The following PTRH2 variants were observed in gnomAD, a reference collection of about 807,000 sequenced individuals.
PTRH2 encodes peptidyl-tRNA hydrolase 2, mitochondrial.
Under a neutral mutation model 12.3 loss-of-function variants are expected in PTRH2, and 10 were observed. The observed-to-expected ratio is 0.81, with a 90% CI of 0.50 to 1.38. The LOEUF (loss-of-function observed/expected upper bound fraction) is 1.38. PTRH2 is among the 40% of genes most tolerant of loss of function. The pLI, the probability that PTRH2 is intolerant of heterozygous loss-of-function variation, is 0.00. For synonymous variants in PTRH2, 73 were observed against 77.4 expected (o/e 0.94, Z 0.30); for missense variants, 176 against 214.1 (o/e 0.82, Z 1.11).
chr17:59,706,158 A>C (rs1476315801), intron 1 of PTRH2, among the ~76,000 whole-genome samples: 1 of 152,230 alleles, frequency 6.6e-6, no homozygotes, highest in Non-Finnish European at 1.5e-5. Context: ...CAATAAGCCT[A>C]GTGCCTAAGA....
At chr17:59,702,608 T>G (rs1005354620) in intron 1 of PTRH2, among the ~76,000 whole-genome samples, 3 of 152,206 alleles carry the variant, frequency 2.0e-5, no homozygotes, top group Non-Finnish European at 2.9e-5. Flanking sequence ...TACAGGGAGA[T>G]CATTTCAGAG....
intron 1 of PTRH2, chr17:59,698,777 C>A (rs1432643371): frequency 4.5e-6 from 3 of 669,938 alleles, no homozygotes; most frequent in South Asian, 1.6e-5. Context: ...GGACAAAAAT[C>A]ATCTAACACG....
intron 1 of PTRH2, chr17:59,701,462 A>G (rs2033552326): frequency 6.6e-6 from 1 of 152,196 alleles, no homozygotes; most frequent in Admixed American, 6.5e-5. Flanking sequence ...AGCTATAGGA[A>G]TGGGTATCTG....
chr17:59,698,278 C>G (rs2033486346), intron 1 of PTRH2: 3 of 375,430 alleles, frequency 8.0e-6, no homozygotes, highest in Non-Finnish European at 1.4e-5. Flanking sequence ...TGGAGATGTT[C>G]CGTTTTACCA....
Position 59,697,726 on chromosome 17 carries a change from G to A in PTRH2, c.253C>T (p.Gln85Ter), listed in dbSNP as rs762093483. 1.9e-6 allele frequency: 3 copies of A among 1,614,130 alleles called. No individual in the cohort carries two copies. The highest frequency in any genetic ancestry group is 2.5e-6 in the Non-Finnish European group (3 of 1,180,024). The change falls in exon 2 of 2, where the codon CAG (glutamine) becomes TAG (stop). Residue 85 changes from glutamine (Q) to a stop codon, truncating the protein, a stop_gained. Coordinates refer to ENST00000393038, the MANE Select transcript of PTRH2 (RefSeq NM_016077.5). LOFTEE classifies it high-confidence loss of function. Reference protein sequence around the residue: ...LKMGKGKVAAQCSHAAVSAYK... With the variant: ...LKMGKGKVAA ...GCTGAAACAGCAGCATGAGAGCACT[G>A]GGCAGCCACTTTCCCTTTTCCCATC...
At chr17:59,698,119 C>T (rs887550384) in intron 1 of PTRH2, 141 bp from the exon 2 acceptor site, 2 of 821,510 alleles carry the variant, frequency 2.4e-6, no homozygotes. Flanking sequence ...TATGCCTGCA[C>T]CCTGTTTCCA....
At chr17:59,702,315 G>A in intron 1 of PTRH2, among the ~76,000 whole-genome samples, 1 of 152,166 alleles carries the variant, frequency 6.6e-6, no homozygotes, top group East Asian at 1.9e-4. Context: ...ATGGGAGGCA[G>A]TAACAGATCA....
rs1268684924 is a variant in PTRH2, at chr17:59,697,655, C to T, written c.324G>A (p.Trp108Ter). 1 of 1,614,148 alleles carries T rather than the reference C, an allele frequency of 6.2e-7. No individual in the cohort carries two copies. The highest frequency in any genetic ancestry group is 8.5e-7 in the Non-Finnish European group (1 of 1,180,032). The change falls in exon 2 of 2, where the codon TGG becomes TGA. Residue 108 changes from tryptophan (W) to a stop codon, truncating the protein, a stop_gained. Transcript: ENST00000393038. LOFTEE classifies it high-confidence loss of function. ...CCACCTTGGGCTGGCCACAGTATTC[C>T]CATTGTTTGAGCATTTCAGGATTTC... is the stretch of plus-strand genomic sequence containing the variant. ...QRRNPEMLKQ[W>*]EYCGQPKVVV...
Position 59,697,825 on chromosome 17 carries a change from T to G in PTRH2, c.154A>C (p.Thr52Pro). ...KSKTSKTHTD[T>P]ESEASILGDS... ...CCCAAGATGCTTGCTTCACTTTCAGTATCTGTGTGTGTCTTGCTCGTCTTG... is the reference window on the plus strand; with the variant it reads ...CCCAAGATGCTTGCTTCACTTTCAGGATCTGTGTGTGTCTTGCTCGTCTTG... The change falls in exon 2 of 2, where the codon ACT (threonine) becomes CCT (proline). Residue 52 changes from threonine (T) to proline (P), a missense_variant. Thr to Pro is a conservative substitution (Grantham distance 38, BLOSUM62 -1). Transcript: ENST00000393038. The G allele has an allele frequency of 6.2e-7, 1 of 1,614,212 alleles. No individual in the cohort carries two copies. Among genetic ancestry groups the G allele is most frequent in the Non-Finnish European group, 8.5e-7 (1 of 1,180,028 alleles).
chr17:59,703,427 G>A (rs893577751), intron 1 of PTRH2, among the ~76,000 whole-genome samples: 3 of 152,150 alleles, frequency 2.0e-5, no homozygotes, highest in Non-Finnish European at 4.4e-5. Flanking sequence ...TTTTTCGGAT[G>A]TAGAAAAATG....
chr17:59,698,976 C>A, intron 1 of PTRH2: 1 of 695,910 alleles, frequency 1.4e-6, no homozygotes, highest in South Asian at 1.6e-5. Flanking sequence ...CTCAATTTCT[C>A]TCTCTTCTGA....
chr17:59,702,299 G>A (rs1046555960), intron 1 of PTRH2, among the ~76,000 whole-genome samples: 5 of 152,106 alleles, frequency 3.3e-5, no homozygotes, highest in Non-Finnish European at 7.4e-5. Flanking sequence ...TCCCATCGGG[G>A]GTGAGATGGG....
chr17:59,699,295 C>T, intron 1 of PTRH2: 1 of 176,106 alleles, frequency 5.7e-6, no homozygotes, highest in East Asian at 1.6e-4. Flanking sequence ...TCCACTGCCT[C>T]AACGCCTTTA....
At chr17:59,700,300 A>G (rs1223289853) in intron 1 of PTRH2, 2 of 152,242 alleles carry the variant, frequency 1.3e-5, no homozygotes, top group East Asian at 3.8e-4. Flanking sequence ...ATCAGTCTAC[A>G]AATGAGGCTG....
chr17:59,705,695 T>C (rs2033631502), intron 1 of PTRH2, among the ~76,000 whole-genome samples: 1 of 152,146 alleles, frequency 6.6e-6, no homozygotes, highest in Non-Finnish European at 1.5e-5. Context: ...CAGCAGCATC[T>C]CGAGTCCAGT....
At chr17:59,705,007 C>T (rs146943526) in intron 1 of PTRH2, among the ~76,000 whole-genome samples, 4,716 of 152,112 alleles carry the variant, frequency 0.031, 111 homozygotes, top group Non-Finnish European at 0.045. Context: ...AGGCTGGTCT[C>T]GAACTCCTGA....
chr17:59,706,366 G>A (rs1205746597), intron 1 of PTRH2, among the ~76,000 whole-genome samples: 3 of 152,104 alleles, frequency 2.0e-5, no homozygotes, highest in South Asian at 4.2e-4. Flanking sequence ...TTTTTTAAGA[G>A]ACAGGGTCTC....
chr17:59,698,595 A>G, intron 1 of PTRH2: 1 of 341,572 alleles, frequency 2.9e-6, no homozygotes, highest in East Asian at 4.9e-5. Context: ...TATTTTTTGC[A>G]TAGTTTTACT....
intron 1 of PTRH2, chr17:59,698,609 T>C (rs1191936277): frequency 4.4e-6 from 2 of 455,502 alleles, no homozygotes; most frequent in Non-Finnish European, 3.9e-6. Context: ...TTTTACTATG[T>C]ACAGGTGCTC....
Sources: gnomAD v4.1 joint callset for allele counts (sites outside exome capture counted in the v4.1 genomes callset) on GRCh38, gnomAD v4.1.1 for gene constraint, MANE v1.5 for transcripts, NCBI Gene and HGNC (gene_info 2026-07-23, HGNC 2026-07-21) for gene names.